Variants in RANBP17 observed in about 807,000 individuals in gnomAD.
RANBP17 encodes the protein ran-binding protein 17.
RANBP17 carries 158 observed loss-of-function variants against 141.2 expected under a neutral mutation model. The ratio of observed to expected loss-of-function variants is 1.12; its 90% confidence interval spans 0.98 to 1.28. The LOEUF is 1.28. RANBP17 is among the 50% of genes most tolerant of loss of function. The pLI is 0.00. For missense variants in RANBP17, 1,438 were observed against 1,290.7 expected (o/e 1.11, Z -1.75); for synonymous variants, 430 against 450.0 (o/e 0.96, Z 0.56).
In RANBP17 at chr5:170,987,535, C is replaced by G. The variant is rs1255315903; in HGVS notation, c.1710+19158C>G. Among the ~76,000 whole-genome samples the G allele has an allele frequency of 1.5e-4, 12 of 80,774 alleles. No homozygotes were observed. The Admixed American group carries it at 1.5e-3, about 10-fold the overall frequency. The allele number at this position is 80,774 out of a possible 152,430, so 53.0% of individuals were successfully genotyped here. ...TATAATACATTAGTATTCAGATAGGCCTTTTTAAAAAAAAAATAATTTCTC... is the reference window on the plus strand; with the variant it reads ...TATAATACATTAGTATTCAGATAGGGCTTTTTAAAAAAAAAATAATTTCTC... On this transcript the variant is annotated intron_variant, in intron 14 of 27. Transcript: ENST00000523189.
intron 12 of RANBP17, among the ~76,000 whole-genome samples, chr5:170,938,864 G>T (rs1174311628): frequency 6.6e-5 from 10 of 152,098 alleles, no homozygotes. Flanking sequence ...AATAGAGGAA[G>T]GAGGAGAGGT....
intron 14 of RANBP17, among the ~76,000 whole-genome samples, chr5:171,088,239 G>A: frequency 6.6e-6 from 1 of 151,922 alleles, no homozygotes; most frequent in African/African-American, 2.4e-5. Context: ...AGTTTGGCTG[G>A]ATATGAAATT....
At chr5:171,152,531 C>A (rs182298629) in intron 14 of RANBP17, among the ~76,000 whole-genome samples, 31 of 152,222 alleles carry the variant, frequency 2.0e-4, no homozygotes, top group Middle Eastern at 3.4e-3. Flanking sequence ...AGGGTTCTTC[C>A]CACTTAGAAA....
At chr5:170,961,581 T>A (rs1776150476) in intron 13 of RANBP17, among the ~76,000 whole-genome samples, 1 of 152,116 alleles carries the variant, frequency 6.6e-6, no homozygotes, top group Admixed American at 6.5e-5. Flanking sequence ...TCAACATGAA[T>A]CTCAAAGGTC....
At chr5:171,079,431 C>T (rs976154489) in intron 14 of RANBP17, among the ~76,000 whole-genome samples, 1 of 152,178 alleles carries the variant, frequency 6.6e-6, no homozygotes, top group Non-Finnish European at 1.5e-5. Context: ...AGAGCATTGA[C>T]TCCAGTTTTG....
intron 14 of RANBP17, among the ~76,000 whole-genome samples, chr5:171,089,645 G>C (rs1340949030): frequency 1.3e-5 from 2 of 151,972 alleles, no homozygotes; most frequent in Non-Finnish European, 2.9e-5. Flanking sequence ...AGCCAGGTGT[G>C]GGATATAATC....
chr5:170,864,182 C>G (rs897429306), intron 1 of RANBP17, among the ~76,000 whole-genome samples: 1 of 152,082 alleles, frequency 6.6e-6, no homozygotes, highest in African/African-American at 2.4e-5. Flanking sequence ...TAGAGTAGGC[C>G]TCATAACTCA....
chr5:170,954,999 A>G (rs1490857348), intron 13 of RANBP17, among the ~76,000 whole-genome samples: 1 of 152,028 alleles, frequency 6.6e-6, no homozygotes, highest in Non-Finnish European at 1.5e-5. Flanking sequence ...ATAGATTCTC[A>G]TAGGAGGGTG....
intron 14 of RANBP17, among the ~76,000 whole-genome samples, chr5:171,132,571 A>G (rs550418786): frequency 1.3e-5 from 2 of 152,104 alleles, no homozygotes; most frequent in South Asian, 4.2e-4. Context: ...AAAATTTAAA[A>G]ATTAACCAGG....
chr5:171,158,388 T>C (rs1228135921), intron 14 of RANBP17: 1 of 191,612 alleles, frequency 5.2e-6, no homozygotes, highest in Non-Finnish European at 1.1e-5. Flanking sequence ...TAGATGTGTT[T>C]AAGCAAGTTG....
At chr5:171,195,432 C>T (rs1420092238) in intron 18 of RANBP17, among the ~76,000 whole-genome samples, 1 of 152,202 alleles carries the variant, frequency 6.6e-6, no homozygotes, top group Non-Finnish European at 1.5e-5. Flanking sequence ...ATCCAGTTCT[C>T]CAGCTTTGGT....
intron 14 of RANBP17, among the ~76,000 whole-genome samples, chr5:171,153,930 G>A (rs754030472): frequency 6.6e-6 from 1 of 151,850 alleles, no homozygotes. Context: ...GGGAGGGTGA[G>A]GCAGGAGAAT....
chr5:170,921,159 C>T (rs1208266251), intron 11 of RANBP17, among the ~76,000 whole-genome samples: 1 of 152,078 alleles, frequency 6.6e-6, no homozygotes. Flanking sequence ...TCATGAAGTC[C>T]TTGCCCATGC....
At chr5:170,963,027 T>C (rs1031527157) in intron 13 of RANBP17, among the ~76,000 whole-genome samples, 1 of 152,186 alleles carries the variant, frequency 6.6e-6, no homozygotes, top group African/African-American at 2.4e-5. Flanking sequence ...AATAAGATGA[T>C]TAAATTTTGA....
intron 13 of RANBP17, among the ~76,000 whole-genome samples, chr5:170,957,317 A>G (rs1014231296): frequency 6.6e-6 from 1 of 152,046 alleles, no homozygotes; most frequent in Non-Finnish European, 1.5e-5. Flanking sequence ...GGTTAGGGAG[A>G]AGAGTACATT....
intron 22 of RANBP17, among the ~76,000 whole-genome samples, chr5:171,240,699 T>A (rs763421690): frequency 3.9e-5 from 6 of 152,184 alleles, no homozygotes; most frequent in African/African-American, 1.2e-4. Context: ...GATAAAAATA[T>A]AGAGCTTTTC....
chr5:170,953,478 C>A (rs1366891644), intron 12 of RANBP17, 119 bp from the exon 13 acceptor site: 1 of 644,206 alleles, frequency 1.6e-6, no homozygotes, highest in African/African-American at 1.9e-5. Flanking sequence ...ACTGAGTTCA[C>A]AATAATTTAT....
chr5:170,883,823 T>A (rs1277358164), intron 3 of RANBP17, among the ~76,000 whole-genome samples: 6 of 152,240 alleles, frequency 3.9e-5, no homozygotes, highest in Non-Finnish European at 7.3e-5. Context: ...CTTTGTTGTC[T>A]GGGTATACCG....
intron 24 of RANBP17, among the ~76,000 whole-genome samples, chr5:171,264,552 A>G (rs1766542549): frequency 1.3e-5 from 2 of 152,320 alleles, no homozygotes; most frequent in African/African-American, 4.8e-5. Flanking sequence ...AATGGAGATA[A>G]TAACAGTAAC....
Sources: gnomAD v4.1 joint callset for allele counts (sites outside exome capture counted in the v4.1 genomes callset) on GRCh38, gnomAD v4.1.1 for gene constraint, MANE v1.5 for transcripts, NCBI Gene and HGNC (gene_info 2026-07-23, HGNC 2026-07-21) for gene names.